CSMD3: variants seen among roughly 807,000 people sequenced by gnomAD.
The protein encoded by CSMD3 is CUB and sushi domain-containing protein 3.
A neutral mutation model predicts 435.2 loss-of-function variants in CSMD3; 177 were observed. The observed-to-expected ratio is 0.41, with a 90% CI of 0.36 to 0.46. The LOEUF is 0.46. CSMD3 is among the 20% of genes least tolerant of loss of function. The pLI is 0.34. For missense variants in CSMD3, 4,265 were observed against 4,504.6 expected, an observed-to-expected ratio of 0.95 and a Z score of 1.52; for synonymous variants, 1,656 against 1,520.5, an observed-to-expected ratio of 1.09 and a Z score of -2.07.
intron 17 of CSMD3, among the ~76,000 whole-genome samples, chr8:112,657,408 T>C (rs1426446906): frequency 1.3e-5 from 2 of 152,138 alleles, no homozygotes; most frequent in Non-Finnish European, 2.9e-5. Flanking sequence ...ATTACAAAAG[T>C]AGGCATCAAA....
intron 29 of CSMD3, 44 bp from the exon 30 acceptor site, chr8:112,504,021 G>A: frequency 7.9e-7 from 1 of 1,261,474 alleles, no homozygotes; most frequent in South Asian, 1.2e-5. Flanking sequence ...AGAGAAGTAG[G>A]ATAATTATTA....
At chr8:112,890,124 T>C (rs2081739630) in intron 10 of CSMD3, among the ~76,000 whole-genome samples, 1 of 151,748 alleles carries the variant, frequency 6.6e-6, no homozygotes, top group Admixed American at 6.6e-5. Flanking sequence ...GTTTTGGCAC[T>C]AATGGTTTAT....
intron 63 of CSMD3, 99 bp from the exon 64 acceptor site, chr8:112,247,230 G>T: frequency 4.1e-6 from 3 of 732,392 alleles, no homozygotes. Flanking sequence ...GTGAAATTCC[G>T]TATGGTAAAG....
chr8:112,600,799 T>G (rs1322023768), intron 22 of CSMD3, among the ~76,000 whole-genome samples: 1 of 151,986 alleles, frequency 6.6e-6, no homozygotes, highest in Admixed American at 6.6e-5. Context: ...TGCCTCAGCC[T>G]GCTGAGTAGC....
chr8:112,230,517 G>C (rs1347519711), intron 69 of CSMD3, among the ~76,000 whole-genome samples: 1 of 152,178 alleles, frequency 6.6e-6, no homozygotes, highest in Non-Finnish European at 1.5e-5. Flanking sequence ...GGCTGGGCAT[G>C]GTGGCTCACA....
chr8:112,819,478 A>G (rs546936501), intron 12 of CSMD3, among the ~76,000 whole-genome samples: 59 of 152,340 alleles, frequency 3.9e-4, no homozygotes, highest in African/African-American at 1.4e-3. Context: ...CTGCTATCAC[A>G]GAGTCCTAGA....
chr8:112,857,934 A>G (rs2080711353), intron 11 of CSMD3, among the ~76,000 whole-genome samples: 1 of 151,756 alleles, frequency 6.6e-6, no homozygotes, highest in Non-Finnish European at 1.5e-5. Context: ...TGGGTGGATA[A>G]CATGATTTCC....
At chr8:113,289,866 A>G (rs1418051129) in intron 2 of CSMD3, among the ~76,000 whole-genome samples, 2 of 151,780 alleles carry the variant, frequency 1.3e-5, no homozygotes, top group African/African-American at 4.8e-5. Flanking sequence ...AGTCCACAAC[A>G]ATAAGAATTT....
At chr8:112,310,609 A>G (rs1326541815) in intron 50 of CSMD3, 1 of 297,518 alleles carries the variant, frequency 3.4e-6, no homozygotes, top group African/African-American at 2.2e-5. Context: ...CTCAGTCTTC[A>G]GTGTACTTGC....
chr8:113,323,703 T>C (rs2093964226), intron 1 of CSMD3, among the ~76,000 whole-genome samples: 1 of 152,240 alleles, frequency 6.6e-6, no homozygotes, highest in Non-Finnish European at 1.5e-5. Flanking sequence ...TAAATGTTTA[T>C]ATATCAAATT....
chr8:113,409,656 G>T (rs1306474609), intron 1 of CSMD3, among the ~76,000 whole-genome samples: 1 of 152,060 alleles, frequency 6.6e-6, no homozygotes, highest in East Asian at 1.9e-4. Context: ...GGAATTATTC[G>T]GTTGAAGTTC....
rs201299015 is a variant in CSMD3 at position 112,644,075 on chromosome 8, T to TA, written c.3310+1033dup. Among the ~76,000 whole-genome samples the TA allele has an allele frequency of 3.3e-3, 505 of 151,288 alleles. 2 individuals carry two copies. The highest frequency in any genetic ancestry group is 0.012 in the African/African-American group (490 of 41,422). On this transcript the variant is annotated intron_variant, in intron 20 of 70. Coordinates refer to ENST00000297405, the MANE Select transcript of CSMD3 (RefSeq NM_198123.2). Reference sequence around the variant, plus strand: ...CAATAATATAATACATCAACAGAGCTAAAAAAAAGTACTTTTCAAAATCAG... The same window carrying TA: ...CAATAATATAATACATCAACAGAGCTAAAAAAAAAGTACTTTTCAAAATCAG...
intron 12 of CSMD3, among the ~76,000 whole-genome samples, chr8:112,803,984 C>T (rs531763055): frequency 3.2e-4 from 48 of 152,238 alleles, no homozygotes; most frequent in African/African-American, 1.1e-3. Flanking sequence ...TGTTCATCAC[C>T]CTCCACAAAT....
chr8:112,939,801 A>T (rs2083394515), intron 9 of CSMD3, among the ~76,000 whole-genome samples: 1 of 151,960 alleles, frequency 6.6e-6, no homozygotes, highest in Non-Finnish European at 1.5e-5. Flanking sequence ...AGGAAGTGAG[A>T]AGGTAAAGTA....
intron 32 of CSMD3, among the ~76,000 whole-genome samples, chr8:112,439,843 T>C (rs1814791384): frequency 1.4e-5 from 2 of 146,128 alleles, no homozygotes; most frequent in South Asian, 4.5e-4. Flanking sequence ...CCCCCATGAT[T>C]CAGTCACCTG....
chr8:113,293,467 A>T (rs1346395043), intron 2 of CSMD3, among the ~76,000 whole-genome samples: 1 of 152,036 alleles, frequency 6.6e-6, no homozygotes, highest in Non-Finnish European at 1.5e-5. Flanking sequence ...TTTGTGGTTC[A>T]GCAGTGACCA....
intron 35 of CSMD3, among the ~76,000 whole-genome samples, chr8:112,405,248 C>CATAT: frequency 1.8e-5 from 1 of 57,018 alleles, no homozygotes; most frequent in African/African-American, 8.6e-5. Flanking sequence ...TATATATATA[C>CATAT]ATATATATAT....
At chr8:112,809,148 C>A (rs1300629991) in intron 12 of CSMD3, among the ~76,000 whole-genome samples, 5 of 152,138 alleles carry the variant, frequency 3.3e-5, no homozygotes, top group Non-Finnish European at 7.4e-5. Flanking sequence ...TAACTGAATT[C>A]TCTCTTAATC....
chr8:112,428,761 C>T (rs371705672), intron 32 of CSMD3, among the ~76,000 whole-genome samples: 1 of 152,072 alleles, frequency 6.6e-6, no homozygotes, highest in Admixed American at 6.6e-5. Flanking sequence ...GAGAATAAGG[C>T]TCATCTGTTC....
Sources: gnomAD v4.1 joint callset for allele counts (sites outside exome capture counted in the v4.1 genomes callset) on GRCh38, gnomAD v4.1.1 for gene constraint, MANE v1.5 for transcripts, NCBI Gene and HGNC (gene_info 2026-07-23, HGNC 2026-07-21) for gene names.